CPQ: variants seen among roughly 807,000 people sequenced by gnomAD.
CPQ encodes Ser-Met dipeptidase.
CPQ carries 37 observed loss-of-function variants against 45.7 expected under a neutral mutation model. The ratio of observed to expected loss-of-function variants is 0.81; its 90% CI spans 0.62 to 1.07. The LOEUF is 1.07. Ranked by LOEUF, CPQ falls within the 50% of genes least tolerant of loss-of-function variation. The pLI is 0.00. For synonymous variants in CPQ, 186 were observed against 205.8 expected (o/e 0.90, Z 0.82); for missense variants, 537 against 572.9 (o/e 0.94, Z 0.64).
chr8:96,846,577 C>T (rs943664349), intron 3 of CPQ, among the ~76,000 whole-genome samples: 1 of 149,484 alleles, frequency 6.7e-6, no homozygotes, highest in Non-Finnish European at 1.5e-5. Flanking sequence ...CATTTGCTTT[C>T]TCTCTCTCTC....
intron 1 of CPQ, among the ~76,000 whole-genome samples, chr8:96,765,050 A>T (rs1045940570): frequency 3.3e-5 from 5 of 152,230 alleles, no homozygotes. Flanking sequence ...AAGAATAGTA[A>T]CTAGAAGCAG....
chr8:96,736,044 T>C (rs759639492), intron 1 of CPQ, among the ~76,000 whole-genome samples: 9 of 152,116 alleles, frequency 5.9e-5, no homozygotes, highest in Non-Finnish European at 1.2e-4. Flanking sequence ...CATTAGGGAC[T>C]CAACACAGGG....
chr8:97,019,959 A>G (rs545401060), intron 5 of CPQ, among the ~76,000 whole-genome samples: 3 of 152,216 alleles, frequency 2.0e-5, no homozygotes, highest in African/African-American at 7.2e-5. Context: ...TTTCTCCAAG[A>G]TAGACCATAT....
At position 97,143,255 on chromosome 8, in the gene CPQ, T is replaced by C; in HGVS notation, c.*72T>C. The C allele has an allele frequency of 2.8e-6, 4 of 1,414,194 alleles. No homozygotes were observed. Among genetic ancestry groups the C allele is most frequent in the Non-Finnish European group, 3.9e-6 (4 of 1,020,174 alleles). The allele number at this position is 1,414,194 out of a possible 1,614,324, so 87.6% of individuals were successfully genotyped here. A position where few individuals can be genotyped will look rare whatever the true frequency, so the allele number is the denominator to read the frequency against. ...GGTCTGCAACTTTGGAAAACTCCTC[T>C]TCACATAACAATTTCATCCAATTCA... On this transcript the variant is annotated 3_prime_UTR_variant, in exon 8 of 8. Coordinates refer to ENST00000220763, the MANE Select transcript of CPQ (RefSeq NM_016134.4).
intron 1 of CPQ, among the ~76,000 whole-genome samples, chr8:96,733,700 G>A (rs767992942): frequency 1.3e-5 from 2 of 151,882 alleles, no homozygotes; most frequent in Non-Finnish European, 2.9e-5. Context: ...ACATGTAATC[G>A]TGTAAATAAT....
intron 7 of CPQ, among the ~76,000 whole-genome samples, chr8:97,142,058 G>T (rs1208067118): frequency 1.3e-5 from 2 of 152,180 alleles, no homozygotes; most frequent in African/African-American, 2.4e-5. Context: ...GTGGGCAGGG[G>T]TGTCATAAAT....
intron 1 of CPQ, among the ~76,000 whole-genome samples, chr8:96,691,554 A>T (rs552294750): frequency 6.6e-6 from 1 of 152,302 alleles, no homozygotes; most frequent in African/African-American, 2.4e-5. Context: ...CTTTGTGAGT[A>T]ACACTGTTCT....
intron 7 of CPQ, among the ~76,000 whole-genome samples, chr8:97,126,118 C>T (rs1039067211): frequency 1.4e-4 from 22 of 152,128 alleles, no homozygotes; most frequent in African/African-American, 2.9e-4. Flanking sequence ...AGGAAGATTA[C>T]ATAATTGTTT....
intron 3 of CPQ, among the ~76,000 whole-genome samples, chr8:96,835,394 TAA>T (rs964864193): frequency 6.6e-5 from 10 of 152,348 alleles, no homozygotes; most frequent in Admixed American, 2.6e-4. Context: ...TGCATTCCTT[TAA>T]AAAGCTTTAA....
chr8:97,122,677 G>C (rs1811726498), intron 7 of CPQ, among the ~76,000 whole-genome samples: 1 of 151,728 alleles, frequency 6.6e-6, no homozygotes, highest in South Asian at 2.1e-4. Context: ...TTGAGGTCCG[G>C]AGTTTGAGAA....
chr8:96,842,936 C>T (rs966578310), intron 3 of CPQ, among the ~76,000 whole-genome samples: 1 of 151,980 alleles, frequency 6.6e-6, no homozygotes, highest in Non-Finnish European at 1.5e-5. Context: ...CAGAGTTTTG[C>T]TCTTGTTGCC....
chr8:96,849,535 A>G (rs1811743773), intron 3 of CPQ, among the ~76,000 whole-genome samples: 1 of 152,178 alleles, frequency 6.6e-6, no homozygotes, highest in Admixed American at 6.5e-5. Context: ...CCAAGCCAAT[A>G]TATCTCCAGG....
intron 7 of CPQ, among the ~76,000 whole-genome samples, chr8:97,087,426 C>T (rs2130560675): frequency 6.6e-6 from 1 of 152,310 alleles, no homozygotes; most frequent in African/African-American, 2.4e-5. Flanking sequence ...GGGCTTTCCC[C>T]TCTGCCTAAT....
chr8:96,795,582 C>T (rs967100696), intron 2 of CPQ, among the ~76,000 whole-genome samples: 1 of 152,038 alleles, frequency 6.6e-6, no homozygotes, highest in South Asian at 2.1e-4. Flanking sequence ...TAGTTTGTGT[C>T]CTTTTATCTT....
intron 5 of CPQ, among the ~76,000 whole-genome samples, chr8:97,012,708 T>G (rs1809510765): frequency 6.6e-6 from 1 of 152,108 alleles, no homozygotes; most frequent in Non-Finnish European, 1.5e-5. Context: ...ATATAAAATT[T>G]CTCCCTTACC....
At chr8:96,987,162 C>T (rs1325644191) in intron 5 of CPQ, among the ~76,000 whole-genome samples, 1 of 152,128 alleles carries the variant, frequency 6.6e-6, no homozygotes. Context: ...TTCACCTCTC[C>T]TCATTCAACA....
intron 4 of CPQ, 81 bp downstream of exon 4, chr8:96,880,086 A>G: frequency 8.3e-7 from 1 of 1,211,822 alleles, no homozygotes. Context: ...GGAAAGAGAG[A>G]ACGTGAAACC....
intron 5 of CPQ, among the ~76,000 whole-genome samples, chr8:97,019,573 C>T (rs1809641659): frequency 6.6e-6 from 1 of 152,048 alleles, no homozygotes; most frequent in African/African-American, 2.4e-5. Flanking sequence ...GCAGGAGTAG[C>T]TATTCTTTTA....
intron 1 of CPQ, among the ~76,000 whole-genome samples, chr8:96,697,398 G>A (rs1809400064): frequency 6.6e-6 from 1 of 152,124 alleles, no homozygotes. Flanking sequence ...ATATATGACA[G>A]ATCTATAGCT....
Sources: allele counts gnomAD v4.1 joint callset (sites outside exome capture counted in the v4.1 genomes callset), GRCh38; gene constraint gnomAD v4.1.1; transcripts MANE v1.5; gene names NCBI Gene and HGNC (gene_info 2026-07-23, HGNC 2026-07-21).